The following LEPR variants were observed in gnomAD, a reference collection of about 807,000 sequenced individuals.
LEPR encodes the protein leptin receptor.
Under a neutral mutation model 114.7 loss-of-function variants are expected in LEPR, and 56 were observed. The ratio of observed to expected loss-of-function variants is 0.49; its 90% confidence interval spans 0.39 to 0.61. The LOEUF is 0.61. Among genes scored for constraint, LEPR ranks in the 20% least tolerant of loss-of-function variants. The pLI, the probability that LEPR is intolerant of heterozygous loss-of-function variation, is 0.00. For missense variants in LEPR, 1,202 were observed against 1,352.9 expected (o/e 0.89, Z 1.75); for synonymous variants, 443 against 461.4 (o/e 0.96, Z 0.51).
chr1:65,590,713 A>G (rs932302925), intron 5 of LEPR, among the ~76,000 whole-genome samples: 5 of 152,080 alleles, frequency 3.3e-5, no homozygotes, highest in African/African-American at 9.7e-5. Context: ...TCCTAGCAGC[A>G]TAAGAATGGA....
At chr1:65,470,703 A>T (rs943204426) in intron 2 of LEPR, among the ~76,000 whole-genome samples, 1 of 152,248 alleles carries the variant, frequency 6.6e-6, no homozygotes, top group African/African-American at 2.4e-5. Flanking sequence ...ATCTATATGT[A>T]ACAGGAATTA....
At chr1:65,626,185 C>G (rs534781735) in intron 19 of LEPR, 68 of 1,609,346 alleles carry the variant, frequency 4.2e-5, no homozygotes, top group Non-Finnish European at 5.7e-5. Flanking sequence ...TGCTTGTAGA[C>G]TACGTCCTAC....
Position 65,576,708 on chromosome 1 carries a change from C to T in LEPR, c.494+4259C>T, listed in dbSNP as rs139452432. 27 of 173,264 alleles carry T rather than the reference C, an allele frequency of 1.6e-4. No individual in the cohort carries two copies. In the East Asian group the frequency reaches 3.8e-3, roughly 24 times the overall value. The allele number at this position is 173,264 out of a possible 1,614,324, so 10.7% of individuals were successfully genotyped here. A position where few individuals can be genotyped will look rare whatever the true frequency, so the allele number is the denominator to read the frequency against. On this transcript the variant is annotated intron_variant, in intron 5 of 19. Coordinates refer to ENST00000349533, the MANE Select transcript of LEPR (RefSeq NM_002303.6). ...GATTAAGTCTTAAGGAAAAATACTG[C>T]GCCTTTATTCATCCAGCCAGACATG...
At chr1:65,450,364 G>A (rs989934773) in intron 2 of LEPR, among the ~76,000 whole-genome samples, 2 of 149,828 alleles carry the variant, frequency 1.3e-5, no homozygotes, top group Non-Finnish European at 3.0e-5. Context: ...CCATGCTGGT[G>A]CGCTGCACCC....
chr1:65,547,334 G>T (rs1651834338), intron 2 of LEPR, among the ~76,000 whole-genome samples: 1 of 152,146 alleles, frequency 6.6e-6, no homozygotes. Context: ...AATGAGTTAG[G>T]GAGGATTCCC....
chr1:65,559,484 CT>C (rs1370460416), intron 2 of LEPR, among the ~76,000 whole-genome samples: 2 of 32,504 alleles, frequency 6.2e-5, no homozygotes, highest in Non-Finnish European at 1.2e-4. Context: ...TGAAAATTTT[CT>C]CCCATTTTGT....
chr1:65,466,725 T>C (rs935570871), intron 2 of LEPR, among the ~76,000 whole-genome samples: 2 of 152,200 alleles, frequency 1.3e-5, no homozygotes, highest in Admixed American at 1.3e-4. Context: ...TGTTCATTTC[T>C]TTTTACTCTT....
At chr1:65,600,070 C>A (rs911282848) in intron 8 of LEPR, among the ~76,000 whole-genome samples, 3 of 151,994 alleles carry the variant, frequency 2.0e-5, no homozygotes, top group African/African-American at 7.2e-5. Flanking sequence ...ATTTTCTTGT[C>A]ATCTTTAAAA....
intron 2 of LEPR, among the ~76,000 whole-genome samples, chr1:65,485,638 T>C (rs1236814551): frequency 6.6e-6 from 1 of 152,134 alleles, no homozygotes; most frequent in Non-Finnish European, 1.5e-5. Flanking sequence ...TTCTGAGAGG[T>C]CAGCCCATTT....
At chr1:65,471,821 CT>C (rs1647087398) in intron 2 of LEPR, among the ~76,000 whole-genome samples, 1 of 152,138 alleles carries the variant, frequency 6.6e-6, no homozygotes, top group South Asian at 2.1e-4. Context: ...AATAATTTGA[CT>C]TTAATAAATT....
At chr1:65,503,796 TACACACACAC>T (rs71584485) in intron 2 of LEPR, among the ~76,000 whole-genome samples, 93 of 147,264 alleles carry the variant, frequency 6.3e-4, no homozygotes, top group Admixed American at 1.8e-3. Context: ...TGAAGTTAGC[TACACACACAC>T]ACACACACAC....
intron 2 of LEPR, among the ~76,000 whole-genome samples, chr1:65,516,305 G>A (rs1218757595): frequency 2.0e-5 from 3 of 152,032 alleles, no homozygotes; most frequent in Non-Finnish European, 2.9e-5. Flanking sequence ...TTAGCCCGGC[G>A]TGGTGGCACA....
intron 2 of LEPR, among the ~76,000 whole-genome samples, chr1:65,557,807 T>C (rs922607009): frequency 1.3e-5 from 2 of 152,202 alleles, no homozygotes; most frequent in Non-Finnish European, 2.9e-5. Flanking sequence ...ATTGAATCTA[T>C]GTCAGATACC....
chr1:65,549,462 G>C lies in LEPR; in HGVS notation c.-20-16084G>C, dbSNP rs542387097. On this transcript the variant is annotated intron_variant, in intron 2 of 19. Coordinates refer to ENST00000349533, the MANE Select transcript of LEPR (RefSeq NM_002303.6). ...CTTTCAGGTACACCAATCAGACGCA[G>C]ATTTGGTCTTTTCACATAGTCCCAT... is the stretch of plus-strand genomic sequence containing the variant. Among the ~76,000 whole-genome samples, 462 of 152,314 alleles carry C rather than the reference G, an allele frequency of 3.0e-3. 20 individuals are homozygous for C. The South Asian group carries it at 0.093, about 31-fold the overall frequency.
In LEPR at chr1:65,636,620, G is replaced by A. The variant is rs1658729278; in HGVS notation, c.3103G>A (p.Ala1035Thr). The A allele has an allele frequency of 1.2e-6, 2 of 1,613,496 alleles. No individual in the cohort carries two copies. Among genetic ancestry groups the A allele is most frequent in the Non-Finnish European group, 1.7e-6 (2 of 1,179,796 alleles). ...TAGCTCATGGGAGATAGAGGCCCAG[G>A]CATTTTTTATATTATCAGATCAGCA... The part of the protein sequence containing the change: ...SNSSWEIEAQ[A>T]FFILSDQHPN... Residue 1035 changes from alanine to threonine, a missense_variant, in exon 20 of 20, where the codon GCA becomes ACA. Coordinates refer to ENST00000349533, the MANE Select transcript of LEPR (RefSeq NM_002303.6).
At chr1:65,480,760 C>T (rs1273909591) in intron 2 of LEPR, among the ~76,000 whole-genome samples, 1 of 151,900 alleles carries the variant, frequency 6.6e-6, no homozygotes, top group Non-Finnish European at 1.5e-5. Context: ...GTTCACACTA[C>T]CAGTAATAGC....
Position 65,625,560 on chromosome 1 carries a change from A to G in LEPR, c.2673+2579A>G, listed in dbSNP as rs542971099. ...CATGTATATAACATATAATGATCCAATCACAACCTTATAGTTGTAAACTAC... is the reference window on the plus strand; with the variant it reads ...CATGTATATAACATATAATGATCCAGTCACAACCTTATAGTTGTAAACTAC... On this transcript the variant is annotated intron_variant, in intron 19 of 19. Coordinates refer to ENST00000349533, the MANE Select transcript of LEPR (RefSeq NM_002303.6). 5.3e-5 allele frequency among the ~76,000 whole-genome samples: 8 copies of G among 152,300 alleles called. No homozygotes were observed. In the South Asian group the frequency reaches 1.2e-3, roughly 24 times the overall value.
chr1:65,501,315 C>T (rs1250285217), intron 2 of LEPR, among the ~76,000 whole-genome samples: 1 of 148,564 alleles, frequency 6.7e-6, no homozygotes, highest in Non-Finnish European at 1.5e-5. Flanking sequence ...ATATCCCTTG[C>T]CTCTTTTAGC....
intron 1 of LEPR, among the ~76,000 whole-genome samples, chr1:65,423,724 C>T (rs1283891768): frequency 6.6e-6 from 1 of 152,164 alleles, no homozygotes; most frequent in Non-Finnish European, 1.5e-5. Context: ...TAAAGAGTCT[C>T]TCTAAATCTT....
Sources: allele counts gnomAD v4.1 joint callset (sites outside exome capture counted in the v4.1 genomes callset), GRCh38; gene constraint gnomAD v4.1.1; transcripts MANE v1.5; gene names NCBI Gene and HGNC (gene_info 2026-07-23, HGNC 2026-07-21).